RNF146: variants seen among roughly 807,000 people sequenced by gnomAD.
RNF146 encodes ring finger protein 146.
A neutral mutation model predicts 29.7 loss-of-function variants in RNF146; 11 were observed. The observed-to-expected ratio is 0.37, with a 90% CI of 0.23 to 0.61. The LOEUF (loss-of-function observed/expected upper bound fraction) is 0.61. Ranked by LOEUF, RNF146 falls within the 20% of genes least tolerant of loss-of-function variation. The pLI is 0.66. For missense variants in RNF146, 342 were observed against 438.9 expected, an observed-to-expected ratio of 0.78 and a Z score of 1.97; for synonymous variants, 150 against 159.7, an observed-to-expected ratio of 0.94 and a Z score of 0.46.
intron 1 of RNF146, 135 bp downstream of exon 1, chr6:127,267,060 G>C: frequency 6.5e-6 from 1 of 152,958 alleles, no homozygotes; most frequent in Non-Finnish European, 1.5e-5. Context: ...CCTTGCGCTC[G>C]GGGCCTGAGA....
chr6:127,273,205 A>G (rs1032510770), intron 1 of RNF146, among the ~76,000 whole-genome samples: 6 of 152,240 alleles, frequency 3.9e-5, no homozygotes, highest in African/African-American at 1.4e-4. Flanking sequence ...TTTTACTCCA[A>G]TACATGCAGA....
chr6:127,272,599 T>C (rs987989500), intron 1 of RNF146, among the ~76,000 whole-genome samples: 10 of 152,212 alleles, frequency 6.6e-5, no homozygotes, highest in Non-Finnish European at 1.3e-4. Context: ...TCACTTTTAT[T>C]GGTTGCATAA....
chr6:127,281,201 TTTTA>T (rs752211072), intron 2 of RNF146, among the ~76,000 whole-genome samples: 69 of 151,828 alleles, frequency 4.5e-4, no homozygotes, highest in Non-Finnish European at 7.8e-4. Context: ...ACCATATTAT[TTTTA>T]TTCAGTATTG....
rs775335553 is a variant in RNF146 at position 127,286,985 on chromosome 6, G to T, written c.372G>T (p.Glu124Asp). ...WWQYDERTSRELEDAFSKGKK... is the reference protein window; with the variant it reads ...WWQYDERTSRDLEDAFSKGKK... ...AGTACGATGAGCGCACTAGTAGAGA[G>T]CTGGAAGATGCTTTTTCCAAAGGTA... is the stretch of plus-strand genomic sequence containing the variant. The change falls in exon 3 of 3, where the codon GAG becomes GAT. Residue 124 changes from glutamate (E) to aspartate (D), a missense_variant. Physicochemically the swap from Glu to Asp is conservative, Grantham distance 45 (BLOSUM62 2). Coordinates refer to ENST00000368314, the MANE Select transcript of RNF146 (RefSeq NM_001242850.2). The surrounding 1 kb of genome is among the most constrained non-coding windows in gnomAD (Gnocchi z 4.6). The T allele has an allele frequency of 3.1e-6, 5 of 1,613,304 alleles. No individual in the cohort carries two copies. In the African/African-American group the frequency reaches 4.0e-5, roughly 13 times the overall value.
At chr6:127,273,850 G>GA (rs1388546067) in intron 1 of RNF146, among the ~76,000 whole-genome samples, 18 of 152,080 alleles carry the variant, frequency 1.2e-4, no homozygotes, top group Admixed American at 1.1e-3. Context: ...AAAGATACTC[G>GA]AATGTGAGTT....
rs940225503 is a variant in RNF146, at chr6:127,284,984, C to T, written c.3-1632C>T. ...CCCAGGGAAACCAAAAGATTAGACA[C>T]CCCTGACTTAGAACTTTCCATAGGT... On this transcript the variant is annotated intron_variant, in intron 2 of 2. Transcript: ENST00000368314. Among the ~76,000 whole-genome samples, 3 of 151,740 alleles carry T rather than the reference C, an allele frequency of 2.0e-5. No homozygotes were observed. In the East Asian group the frequency reaches 5.8e-4, roughly 29 times the overall value.
In RNF146 at chr6:127,286,386, G is replaced by A. The variant is rs1779512679; in HGVS notation, c.3-230G>A. 4 of 638,112 alleles carry A rather than the reference G, an allele frequency of 6.3e-6. No homozygotes were observed. The highest frequency in any genetic ancestry group is 1.9e-5 in the African/African-American group (1 of 53,872). 39.5% of individuals were successfully genotyped at this position (638,112 alleles called of 1,614,324 possible). ...TGTTTCTCCAGGGCTGATCTGTTAA[G>A]TGCACTGATGGAATTTTTATACATT... On this transcript the variant is annotated intron_variant, in intron 2 of 2. Transcript: ENST00000368314. This position sits in a 1 kb window ranked among gnomAD's most constrained non-coding sequence, Gnocchi z 4.6.
In RNF146 at chr6:127,287,015, G is replaced by C. The variant is rs768311096; in HGVS notation, c.402G>C (p.Lys134Asn). The change falls in exon 3 of 3, where the codon AAG becomes AAC. Residue 134 changes from lysine (K) to asparagine (N), a missense_variant. Physicochemically the swap from Lys to Asn is moderately conservative, Grantham distance 94 (BLOSUM62 0). Coordinates refer to ENST00000368314, the MANE Select transcript of RNF146 (RefSeq NM_001242850.2). The part of the protein sequence containing the change: ...ELEDAFSKGK[K>N]NTEMLIAGFL... ...AAGATGCTTTTTCCAAAGGTAAAAAGAACACTGAAATGTTAATTGCTGGCT... is the reference window on the plus strand; with the variant it reads ...AAGATGCTTTTTCCAAAGGTAAAAACAACACTGAAATGTTAATTGCTGGCT... 1 of 1,613,362 alleles carries C rather than the reference G, an allele frequency of 6.2e-7. No individual in the cohort carries two copies. The highest frequency in any genetic ancestry group is 1.7e-5 in the Admixed American group (1 of 59,880).
intron 1 of RNF146, among the ~76,000 whole-genome samples, chr6:127,277,032 T>G (rs1349656647): frequency 6.6e-6 from 1 of 152,014 alleles, no homozygotes; most frequent in African/African-American, 2.4e-5. Context: ...CAATAGGTGT[T>G]GGATGGTTCA....
chr6:127,270,964 C>T (rs561545959), intron 1 of RNF146, among the ~76,000 whole-genome samples: 11 of 151,588 alleles, frequency 7.3e-5, no homozygotes, highest in Non-Finnish European at 1.5e-4. Context: ...TACAGGTGTG[C>T]GCCACCATGC....
At position 127,287,724 on chromosome 6, in the gene RNF146, T is replaced by C. The variant is rs1296610792; in HGVS notation, c.*31T>C. On this transcript the variant is annotated 3_prime_UTR_variant, in exon 3 of 3. Coordinates refer to ENST00000368314, the MANE Select transcript of RNF146 (RefSeq NM_001242850.2). ...AATGTCTTCAGCTCCATGCTCAAGGTTGAAAGGGTTACCTGTAAATTTCTG... is the reference window on the plus strand; with the variant it reads ...AATGTCTTCAGCTCCATGCTCAAGGCTGAAAGGGTTACCTGTAAATTTCTG... The C allele has an allele frequency of 1.5e-6, 2 of 1,348,532 alleles. No homozygotes were observed. The highest frequency in any genetic ancestry group is 2.1e-5 in the Admixed American group (1 of 46,570). The allele number at this position is 1,348,532 out of a possible 1,614,324, so 83.5% of individuals were successfully genotyped here.
intron 1 of RNF146, among the ~76,000 whole-genome samples, chr6:127,272,772 C>A (rs1388433454): frequency 6.6e-6 from 1 of 152,168 alleles, no homozygotes; most frequent in Non-Finnish European, 1.5e-5. Flanking sequence ...GTGCCAACCC[C>A]TTGCACAATT....
At chr6:127,277,252 A>G (rs1446669799) in intron 1 of RNF146, among the ~76,000 whole-genome samples, 2 of 152,030 alleles carry the variant, frequency 1.3e-5, no homozygotes, top group Non-Finnish European at 2.9e-5. Context: ...TCCTATATAT[A>G]GGGAGTGTAT....
intron 1 of RNF146, among the ~76,000 whole-genome samples, chr6:127,272,148 G>T (rs551091981): frequency 2.0e-5 from 3 of 152,262 alleles, no homozygotes; most frequent in African/African-American, 7.2e-5. Context: ...AACTTCCTGA[G>T]CTTAGGCTTC....
chr6:127,280,752 T>C (rs900510780), intron 2 of RNF146: 3 of 165,346 alleles, frequency 1.8e-5, no homozygotes, highest in Non-Finnish European at 2.5e-5. Flanking sequence ...TAAAGGAATT[T>C]CTACATAATT....
At chr6:127,270,531 TA>T (rs939506442) in intron 1 of RNF146, among the ~76,000 whole-genome samples, 1 of 152,186 alleles carries the variant, frequency 6.6e-6, no homozygotes, top group South Asian at 2.1e-4. Flanking sequence ...CCTCCAACTT[TA>T]AAAAAACTTT....
chr6:127,282,498 CATT>C (rs1779037751), intron 2 of RNF146: 1 of 151,716 alleles, frequency 6.6e-6, no homozygotes, highest in African/African-American at 2.4e-5. Flanking sequence ...TTAATAAAGT[CATT>C]ATGTCTGAGA....
intron 2 of RNF146, among the ~76,000 whole-genome samples, chr6:127,282,009 G>C (rs567789993): frequency 1.3e-5 from 2 of 151,642 alleles, no homozygotes; most frequent in Admixed American, 1.3e-4. Context: ...GATAGTCTCT[G>C]GGGAATAGGG....
Position 127,287,767 on chromosome 6 carries a change from T to A in RNF146, c.*74T>A, listed in dbSNP as rs1463115262. Reference sequence around the variant, plus strand: ...AATTTCTGCCCACATAACATTATACTCATCCCTAGTAGTGCATTTTGGGAG... The same window carrying A: ...AATTTCTGCCCACATAACATTATACACATCCCTAGTAGTGCATTTTGGGAG... On this transcript the variant is annotated 3_prime_UTR_variant, in exon 3 of 3. Coordinates refer to ENST00000368314, the MANE Select transcript of RNF146 (RefSeq NM_001242850.2). The A allele has an allele frequency of 6.6e-6, 6 of 905,468 alleles. No homozygotes were observed. Among genetic ancestry groups the A allele is most frequent in the Admixed American group, 2.3e-5 (1 of 43,232 alleles). The allele number at this position is 905,468 out of a possible 1,614,324, so 56.1% of individuals were successfully genotyped here.
Sources: gnomAD v4.1 joint callset for allele counts (sites outside exome capture counted in the v4.1 genomes callset) on GRCh38, gnomAD v4.1.1 for gene constraint, Gnocchi (gnomAD v3.1) non-coding constraint, MANE v1.5 for transcripts, NCBI Gene and HGNC (gene_info 2026-07-23, HGNC 2026-07-21) for gene names.